TNS1: variants seen among roughly 807,000 people sequenced by gnomAD.
TNS1 encodes the protein tensin-1.
Under a neutral mutation model 168.6 loss-of-function variants are expected in TNS1, and 62 were observed. The ratio of observed to expected loss-of-function variants is 0.37; its 90% CI spans 0.30 to 0.45. The LOEUF (loss-of-function observed/expected upper bound fraction) is 0.45. TNS1 is among the 20% of genes least tolerant of loss of function. TNS1 has a pLI of 1.00. For synonymous variants in TNS1, 934 were observed against 933.2 expected (o/e 1.00, Z -0.02); for missense variants, 2,240 against 2,339.4 (o/e 0.96, Z 0.88).
In TNS1 at chr2:217,900,504, G is replaced by A. The variant is rs1408832704; in HGVS notation, c.330C>T (p.Thr110=). ...GGGGCTGGACACTCGGGGTGACCCT[G>A]GTGGAGCCCTGGGAAGGAGAGAAGA... ...TRKSLEDNGS[T]RVTPSVQPHL... is the part of the protein sequence containing the mutation. The change falls in exon 7 of 33, where the codon ACC becomes ACT. Residue 110 remains threonine, a synonymous_variant. Transcript: ENST00000682258. 6.5e-7 allele frequency: 1 copy of A among 1,535,628 alleles called. No homozygotes were observed. Among genetic ancestry groups the A allele is most frequent in the Non-Finnish European group, 8.7e-7 (1 of 1,146,732 alleles).
chr2:217,975,283 A>T (rs983237979), intron 3 of TNS1, among the ~76,000 whole-genome samples: 6 of 152,138 alleles, frequency 3.9e-5, no homozygotes, highest in Non-Finnish European at 7.4e-5. Context: ...AGAGACCCCT[A>T]GCCAGAACCA....
intron 18 of TNS1, among the ~76,000 whole-genome samples, chr2:217,861,047 C>T (rs938385801): frequency 1.3e-5 from 2 of 152,168 alleles, no homozygotes; most frequent in Non-Finnish European, 2.9e-5. Flanking sequence ...TCCCCAGCTG[C>T]AAATAATAAG....
At chr2:217,822,565 C>T (rs1943033233) in intron 22 of TNS1, among the ~76,000 whole-genome samples, 1 of 152,224 alleles carries the variant, frequency 6.6e-6, no homozygotes, top group Non-Finnish European at 1.5e-5. Flanking sequence ...TCAGGGAACC[C>T]CATTCCCAGG....
chr2:217,989,207 C>T lies in TNS1; in HGVS notation c.148+1735G>A, dbSNP rs189051986. Among the ~76,000 whole-genome samples, 16 of 152,244 alleles carry T rather than the reference C, an allele frequency of 1.1e-4. 1 individual carries two copies. The highest frequency in any genetic ancestry group is 2.6e-4 in the Admixed American group (4 of 15,288). ...GGCTGAGCCCACCAGGCCTGGCAGCCGGGGAAAGAGGTCTGTACTCTGTCT... is the reference window on the plus strand; with the variant it reads ...GGCTGAGCCCACCAGGCCTGGCAGCTGGGGAAAGAGGTCTGTACTCTGTCT... On this transcript the variant is annotated intron_variant, in intron 2 of 32. Transcript: ENST00000682258.
At chr2:217,868,502 G>T (rs1181353836) in intron 18 of TNS1, among the ~76,000 whole-genome samples, 1 of 152,226 alleles carries the variant, frequency 6.6e-6, no homozygotes, top group East Asian at 1.9e-4. Context: ...GGTTGAAGGT[G>T]AACTCGGGGA....
At chr2:217,961,697 C>T (rs1446284817) in intron 3 of TNS1, among the ~76,000 whole-genome samples, 1 of 152,158 alleles carries the variant, frequency 6.6e-6, no homozygotes, top group Non-Finnish European at 1.5e-5. Context: ...GTGGGACCCC[C>T]CCATTCTTCA....
chr2:217,972,661 C>G (rs1559394764), intron 3 of TNS1, among the ~76,000 whole-genome samples: 1 of 152,246 alleles, frequency 6.6e-6, no homozygotes. Flanking sequence ...GAGGCTGAAG[C>G]CTGGGCCATC....
intron 3 of TNS1, among the ~76,000 whole-genome samples, chr2:217,928,464 G>C (rs1375756351): frequency 6.6e-6 from 1 of 152,232 alleles, no homozygotes; most frequent in Admixed American, 6.5e-5. Context: ...TTTGGACCAG[G>C]AAATGAAGTG....
chr2:217,876,398 T>C (rs1559282860), intron 18 of TNS1, among the ~76,000 whole-genome samples: 1 of 152,112 alleles, frequency 6.6e-6, no homozygotes, highest in South Asian at 2.1e-4. Context: ...GCTGCAAAAC[T>C]GGTGTTAGCC....
In TNS1 at chr2:217,931,624, T is replaced by C. The variant is rs1296178359; in HGVS notation, c.187-11388A>G. 2.0e-5 allele frequency among the ~76,000 whole-genome samples: 3 copies of C among 152,154 alleles called. No individual in the cohort carries two copies. The East Asian group carries it at 5.8e-4, about 29-fold the overall frequency. ...CAGCCAGGACAAGGGCGTAGAGACC[T>C]CTCCACTTTCAACACCTGTAGAATT... is the stretch of plus-strand genomic sequence containing the variant. On this transcript the variant is annotated intron_variant, in intron 3 of 32. Coordinates refer to ENST00000682258, the MANE Select transcript of TNS1 (RefSeq NM_001387777.1).
At chr2:217,944,236 G>GGAAGGCC (rs1453183930) in intron 3 of TNS1, 1 of 152,330 alleles carries the variant, frequency 6.6e-6, no homozygotes, top group Non-Finnish European at 1.5e-5. Context: ...GCTGGCTCTG[G>GGAAGGCC]GAAGGCCGTG....
chr2:217,990,467 C>T (rs1193392982), intron 2 of TNS1, among the ~76,000 whole-genome samples: 2 of 151,330 alleles, frequency 1.3e-5, no homozygotes, highest in Non-Finnish European at 3.0e-5. Flanking sequence ...CCTTCAAACA[C>T]ATCATCCACA....
upstream of TNS1, among the ~76,000 whole-genome samples, chr2:218,011,369 C>T (rs542105020): frequency 7.9e-5 from 12 of 152,022 alleles, no homozygotes; most frequent in South Asian, 2.5e-3. Flanking sequence ...GCTGGAGGGG[C>T]ACCCATGAGC....
At chr2:217,838,071 A>G (rs543304013) in intron 19 of TNS1, among the ~76,000 whole-genome samples, 2 of 152,346 alleles carry the variant, frequency 1.3e-5, no homozygotes, top group African/African-American at 4.8e-5. Context: ...CATTTGGGAG[A>G]CGCTCTTGGG....
At chr2:217,909,313 C>A (rs1001101474) in intron 4 of TNS1, among the ~76,000 whole-genome samples, 1 of 152,128 alleles carries the variant, frequency 6.6e-6, no homozygotes, top group African/African-American at 2.4e-5. Context: ...AAACCCAAAT[C>A]CCCCAACTCC....
intron 4 of TNS1, among the ~76,000 whole-genome samples, chr2:217,908,654 T>C (rs751757359): frequency 1.2e-4 from 19 of 152,104 alleles, no homozygotes; most frequent in Non-Finnish European, 2.4e-4. Flanking sequence ...GAGGTAACAG[T>C]GCTCTCTCTG....
chr2:217,922,771 G>C (rs763657273), intron 3 of TNS1, among the ~76,000 whole-genome samples: 2 of 152,134 alleles, frequency 1.3e-5, no homozygotes, highest in Non-Finnish European at 2.9e-5. Flanking sequence ...CTGGCCCTGC[G>C]GGGGAGCTGT....
At chr2:217,808,757 T>A in intron 30 of TNS1, 86 bp from the exon 31 acceptor site, 1 of 1,268,088 alleles carries the variant, frequency 7.9e-7, no homozygotes, top group South Asian at 1.2e-5. Context: ...AGGCCACCTT[T>A]CCACCATCTG....
At chr2:217,857,783 C>T (rs3791959) in intron 18 of TNS1, among the ~76,000 whole-genome samples, 1 of 151,974 alleles carries the variant, frequency 6.6e-6, no homozygotes, top group African/African-American at 2.4e-5. Flanking sequence ...TGTGTTCCCC[C>T]CAGCCTGAAG....
Sources: allele counts gnomAD v4.1 joint callset (sites outside exome capture counted in the v4.1 genomes callset), GRCh38; gene constraint gnomAD v4.1.1; transcripts MANE v1.5; gene names NCBI Gene and HGNC (gene_info 2026-07-23, HGNC 2026-07-21).